PCDH15: variants seen among roughly 807,000 people sequenced by gnomAD.
PCDH15 encodes the protein protocadherin-15.
Under a neutral mutation model 178.5 loss-of-function variants are expected in PCDH15, and 129 were observed. The ratio of observed to expected loss-of-function variants is 0.72; its 90% CI spans 0.63 to 0.84. The LOEUF is 0.84. Among genes scored for constraint, PCDH15 ranks in the 40% least tolerant of loss-of-function variants. The pLI is 0.00. For synonymous variants in PCDH15, 800 were observed against 732.0 expected, an observed-to-expected ratio of 1.09 and a Z score of -1.50; for missense variants, 2,230 against 2,099.9, an observed-to-expected ratio of 1.06 and a Z score of -1.21.
intron 21 of PCDH15, among the ~76,000 whole-genome samples, chr10:53,979,686 T>C (rs1477484780): frequency 6.6e-6 from 1 of 152,140 alleles, no homozygotes; most frequent in Non-Finnish European, 1.5e-5. Context: ...AATGTACACA[T>C]AAAAACACAA....
intron 13 of PCDH15, among the ~76,000 whole-genome samples, chr10:54,161,871 A>G (rs1564567990): frequency 6.6e-6 from 1 of 152,000 alleles, no homozygotes; most frequent in Non-Finnish European, 1.5e-5. Flanking sequence ...GATGGATTTG[A>G]GACTTTATCT....
chr10:55,554,761 A>G (rs1413136260), intron 2 of PCDH15, among the ~76,000 whole-genome samples: 1 of 152,042 alleles, frequency 6.6e-6, no homozygotes, highest in Non-Finnish European at 1.5e-5. Context: ...GTCCATAGTT[A>G]ATTTTGATTT....
chr10:55,429,534 G>A (rs1838834096), intron 2 of PCDH15, among the ~76,000 whole-genome samples: 1 of 151,986 alleles, frequency 6.6e-6, no homozygotes, highest in African/African-American at 2.4e-5. Flanking sequence ...CACTGGTTTT[G>A]AGGAATTAAA....
intron 1 of PCDH15, among the ~76,000 whole-genome samples, chr10:54,721,913 T>C (rs761736622): frequency 2.0e-5 from 3 of 151,582 alleles, no homozygotes; most frequent in Non-Finnish European, 3.0e-5. Context: ...GAGGCGACAA[T>C]GTAAAAGAAA....
chr10:54,621,682 C>T (rs1017553091), intron 2 of PCDH15, among the ~76,000 whole-genome samples: 1 of 151,988 alleles, frequency 6.6e-6, no homozygotes, highest in Non-Finnish European at 1.5e-5. Context: ...CTTCTAAACT[C>T]CTTAGATTTT....
intron 23 of PCDH15, among the ~76,000 whole-genome samples, chr10:53,941,571 A>T (rs1046655389): frequency 6.6e-5 from 10 of 152,190 alleles, no homozygotes; most frequent in Non-Finnish European, 1.3e-4. Flanking sequence ...ATAAATAAAA[A>T]ACATCTTGGT....
intron 3 of PCDH15, among the ~76,000 whole-genome samples, chr10:54,394,404 G>T (rs1181203980): frequency 6.6e-6 from 1 of 151,970 alleles, no homozygotes; most frequent in Non-Finnish European, 1.5e-5. Flanking sequence ...TGGGCGTCCA[G>T]GGGAGACATC....
intron 7 of PCDH15, among the ~76,000 whole-genome samples, chr10:54,324,446 T>G (rs980268157): frequency 6.6e-6 from 1 of 152,110 alleles, no homozygotes; most frequent in Non-Finnish European, 1.5e-5. Flanking sequence ...TTAGAAATTA[T>G]AAATTATTCT....
intron 15 of PCDH15, among the ~76,000 whole-genome samples, chr10:54,105,543 T>C (rs2094903694): frequency 6.6e-6 from 1 of 152,028 alleles, no homozygotes; most frequent in African/African-American, 2.4e-5. Flanking sequence ...AGATGTAGGC[T>C]GTAAGGCTAA....
chr10:53,813,996 TGTG>T (rs139432429), intron 35 of PCDH15, among the ~76,000 whole-genome samples: 398 of 152,128 alleles, frequency 2.6e-3, no homozygotes, highest in African/African-American at 9.0e-3. Context: ...AAGGTTGAAG[TGTG>T]GGGGAAGGAA....
chr10:55,025,754 C>A (rs1320540171), intron 2 of PCDH15, among the ~76,000 whole-genome samples: 3 of 151,718 alleles, frequency 2.0e-5, no homozygotes, highest in East Asian at 3.9e-4. Flanking sequence ...ATAGTTTATT[C>A]AATACCATGT....
chr10:54,324,863 C>G (rs1465513521), intron 7 of PCDH15, among the ~76,000 whole-genome samples: 1 of 151,880 alleles, frequency 6.6e-6, no homozygotes, highest in Admixed American at 6.6e-5. Context: ...ATATTTCACT[C>G]AGGATAACAA....
chr10:54,195,742 C>A lies in PCDH15; in HGVS notation c.1246G>T (p.Asp416Tyr). Residue 416 changes from aspartate (D) to tyrosine (Y), a missense_variant, in exon 11 of 38, where the codon GAC becomes TAC. By Grantham distance (160) the Asp-to-Tyr change is radical (BLOSUM62 -3). Coordinates refer to ENST00000644397, the MANE Select transcript of PCDH15 (RefSeq NM_001384140.1). ...ESAPVGATIS[D>Y]SLNLTSPLRI... ...AAAGGTGAAGTCAAATTGAGACTGT[C>A]CGAAATGGTTGCTCCCACTGGGGCA... 1 of 1,614,076 alleles carries A rather than the reference C, an allele frequency of 6.2e-7. No individual in the cohort carries two copies. The highest frequency in any genetic ancestry group is 2.2e-5 in the East Asian group (1 of 44,856).
chr10:54,048,173 TTTTCA>T (rs1310418907), intron 18 of PCDH15, among the ~76,000 whole-genome samples: 7 of 152,156 alleles, frequency 4.6e-5, no homozygotes, highest in Non-Finnish European at 1.0e-4. Context: ...GTGGATCATT[TTTTCA>T]TTTGTTTGTT....
chr10:55,517,106 A>G (rs960598587), intron 2 of PCDH15, among the ~76,000 whole-genome samples: 2 of 152,066 alleles, frequency 1.3e-5, no homozygotes, highest in Non-Finnish European at 2.9e-5. Context: ...TAAAGAATAT[A>G]AATAAAGAGG....
chr10:54,837,743 A>C (rs1210976971), intron 3 of PCDH15, among the ~76,000 whole-genome samples: 1 of 152,164 alleles, frequency 6.6e-6, no homozygotes, highest in African/African-American at 2.4e-5. Context: ...TTCATGAATG[A>C]AAATGCCTTT....
chr10:55,254,947 T>C (rs952480269), intron 1 of PCDH15, among the ~76,000 whole-genome samples: 2 of 43,762 alleles, frequency 4.6e-5, no homozygotes, highest in Admixed American at 2.9e-4. Context: ...TTAGCTTAAG[T>C]CTTTTCTTTT....
At chr10:53,884,295 C>T (rs1240359713) in intron 26 of PCDH15, among the ~76,000 whole-genome samples, 1 of 152,158 alleles carries the variant, frequency 6.6e-6, no homozygotes, top group Non-Finnish European at 1.5e-5. Context: ...TGAAAGTTGA[C>T]TCAGTGCCCT....
chr10:55,567,198 A>G (rs567943867), intron 2 of PCDH15, among the ~76,000 whole-genome samples: 1 of 152,102 alleles, frequency 6.6e-6, no homozygotes, highest in African/African-American at 2.4e-5. Context: ...TATTTTCAAT[A>G]AATGTTGCAG....
Sources: gnomAD v4.1 joint callset for allele counts (sites outside exome capture counted in the v4.1 genomes callset) on GRCh38, gnomAD v4.1.1 for gene constraint, MANE v1.5 for transcripts, NCBI Gene and HGNC (gene_info 2026-07-23, HGNC 2026-07-21) for gene names.